The following ABCA3 variants were observed in gnomAD, a reference collection of about 807,000 sequenced individuals.
ABCA3 encodes ATP binding cassette subfamily A member 3.
Under a neutral mutation model 172.8 loss-of-function variants are expected in ABCA3, and 88 were observed. The observed-to-expected ratio is 0.51, with a 90% CI of 0.43 to 0.61. The LOEUF is 0.61. ABCA3 is among the 20% of genes least tolerant of loss of function. The probability of loss-of-function intolerance (pLI) is 0.00; values close to 1 mark genes in which losing one functional copy is unlikely to be tolerated. For missense variants in ABCA3, 2,164 were observed against 2,301.0 expected, an observed-to-expected ratio of 0.94 and a Z score of 1.22; for synonymous variants, 1,066 against 983.8, an observed-to-expected ratio of 1.08 and a Z score of -1.56.
chr16:2,310,407 A>AAAAC (rs569725428), intron 10 of ABCA3, among the ~76,000 whole-genome samples: 3 of 146,398 alleles, frequency 2.0e-5, no homozygotes, highest in Non-Finnish European at 4.5e-5. Flanking sequence ...ACTCTGTCTC[A>AAAAC]AAACAAACAA....
rs1184960162 is a variant in ABCA3, at chr16:2,317,331, T to C, written c.1063A>G (p.Ile355Val). The change falls in exon 10 of 33, where the codon ATC becomes GTC. Residue 355 changes from isoleucine (I) to valine (V), a missense_variant. This residue lies in a region of ABCA3 where 1,343 missense variants were observed against 1,369.6 expected (regional missense o/e 0.98). Transcript: ENST00000301732. ...LVLAFLLCFA[I>V]STISFSFMVS... is the part of the protein sequence containing the mutation. ...ATGAAGCTGAAGGAGATGGTAGAGA[T>C]GGCGAAGCACAGCAGGAAGGCGAGC... is the stretch of plus-strand genomic sequence containing the variant. 4 of 1,614,058 alleles carry C rather than the reference T, an allele frequency of 2.5e-6. No homozygotes were observed. The highest frequency in any genetic ancestry group is 2.2e-5 in the South Asian group (2 of 91,080).
intron 1 of ABCA3, among the ~76,000 whole-genome samples, chr16:2,337,382 T>C (rs1251470307): frequency 6.6e-6 from 1 of 151,792 alleles, no homozygotes; most frequent in Non-Finnish European, 1.5e-5. Context: ...GGCCTTTTTT[T>C]TTTTTTCATG....
chr16:2,317,254 C>T (rs948756791), intron 10 of ABCA3, 29 bp downstream of exon 10: 2 of 1,613,342 alleles, frequency 1.2e-6, no homozygotes, highest in Non-Finnish European at 1.7e-6. Context: ...CCCTTGGCAA[C>T]CCCACTCTGC....
Position 2,326,242 on chromosome 16 carries a change from G to A in ABCA3, c.87C>T (p.Leu29=), listed in dbSNP as rs746160931. 2.0e-5 allele frequency: 33 copies of A among 1,613,674 alleles called. No individual in the cohort carries two copies. Among genetic ancestry groups the A allele is most frequent in the Non-Finnish European group, 2.8e-5 (33 of 1,180,046 alleles). ...TCCCAGAAAACAGCAATGGCAGGAA[G>A]AGTTCCAGGACCGTCACCAGGACCT... ...KRKVLVTVLE[L]FLPLLFSGIL... is the part of the protein sequence containing the mutation. Residue 29 remains leucine (L), a synonymous_variant, in exon 5 of 33, where the codon CTC becomes CTT. Coordinates refer to ENST00000301732, the MANE Select transcript of ABCA3 (RefSeq NM_001089.3).
intron 1 of ABCA3, among the ~76,000 whole-genome samples, chr16:2,336,571 C>T (rs1056525059): frequency 2.0e-5 from 3 of 150,354 alleles, no homozygotes; most frequent in Admixed American, 1.3e-4. Context: ...GCTGGAATTA[C>T]AGGTGCCCGC....
chr16:2,340,547 G>T, intron 1 of ABCA3, 26 bp downstream of exon 1: 1 of 149,312 alleles, frequency 6.7e-6, no homozygotes, highest in South Asian at 2.0e-4. Flanking sequence ...ACGAGCGCGC[G>T]AGCGGCGGGT....
rs2093649540 is a variant in ABCA3 at position 2,278,188 on chromosome 16, C to A, written c.4718+100G>T. On this transcript the variant is annotated intron_variant, in intron 30 of 32. Transcript: ENST00000301732. This position sits in a 1 kb window ranked among gnomAD's most constrained non-coding sequence, Gnocchi z 4.4. ...ACCCATGCTCAGTGTGGCTCACGGG[C>A]AGACTCTGCACCAGATGCTGATGGG... The A allele has an allele frequency of 6.3e-7, 1 of 1,596,404 alleles. No homozygotes were observed. The highest frequency in any genetic ancestry group is 8.5e-7 in the Non-Finnish European group (1 of 1,174,646).
chr16:2,332,635 T>C (rs1354439090), intron 1 of ABCA3: 21 of 1,601,760 alleles, frequency 1.3e-5, no homozygotes, highest in Non-Finnish European at 1.8e-5. Flanking sequence ...CTCAATCTTC[T>C]CCAGGGGCCG....
chr16:2,316,591 T>C (rs2093716312), intron 10 of ABCA3, among the ~76,000 whole-genome samples: 1 of 124,894 alleles, frequency 8.0e-6, no homozygotes, highest in African/African-American at 3.1e-5. Context: ...GGCACAAGAA[T>C]CACTTGAATC....
Position 2,323,526 on chromosome 16 carries a change from GTTC to G in ABCA3, c.607_609del (p.Glu203del). 2.5e-6 allele frequency: 4 copies of G among 1,614,090 alleles called. No individual in the cohort carries two copies. The highest frequency in any genetic ancestry group is 3.4e-6 in the Non-Finnish European group (4 of 1,180,010). On this transcript the variant is annotated inframe_deletion, in exon 7 of 33. Transcript: ENST00000301732. ...GAACCCTAACCGAGCTTCTCACCAGGTTCTCCGCCATCAGGGGATGTAGGTTCC... is the reference window on the plus strand; with the variant it reads ...GAACCCTAACCGAGCTTCTCACCAGGTCCGCCATCAGGGGATGTAGGTTCC...
At chr16:2,308,814 A>C (rs2093702107) in intron 10 of ABCA3, among the ~76,000 whole-genome samples, 191 bp from the exon 11 acceptor site, 2 of 152,098 alleles carry the variant, frequency 1.3e-5, no homozygotes, top group East Asian at 3.9e-4. Flanking sequence ...CCCTTCTCCA[A>C]GTGAGTAGTG....
Position 2,304,186 on chromosome 16 carries a change from G to A in ABCA3, c.1286-36C>T, listed in dbSNP as rs749511430. ...CATCAGGAAAGTGGCCCGAAAGCCA[G>A]CAGGCTGGGGGGCCCAGGGACCCGA... On this transcript the variant is annotated intron_variant, in intron 11 of 32. Transcript: ENST00000301732. 6 of 1,613,484 alleles carry A rather than the reference G, an allele frequency of 3.7e-6. No individual in the cohort carries two copies. The East Asian group carries it at 1.3e-4, about 36-fold the overall frequency.
At chr16:2,317,239 T>A (rs753115229) in intron 10 of ABCA3, 44 bp downstream of exon 10, 1 of 1,612,162 alleles carries the variant, frequency 6.2e-7, no homozygotes. Context: ...CAGATGGCCC[T>A]TGGCCCCTTG....
intron 28 of ABCA3, among the ~76,000 whole-genome samples, chr16:2,280,126 C>T (rs2093652797): frequency 6.6e-6 from 1 of 152,272 alleles, no homozygotes; most frequent in South Asian, 2.1e-4. Context: ...CTCTCTCTCT[C>T]TCTTCCTTCT....
chr16:2,335,211 T>C (rs1435124573), intron 1 of ABCA3, among the ~76,000 whole-genome samples: 2 of 152,038 alleles, frequency 1.3e-5, no homozygotes, highest in Admixed American at 1.3e-4. Flanking sequence ...CCAAATGGGG[T>C]GGGCTAGACA....
At chr16:2,329,471 C>A (rs1216575760) in intron 2 of ABCA3, among the ~76,000 whole-genome samples, 177 bp downstream of exon 2, 1 of 152,186 alleles carries the variant, frequency 6.6e-6, no homozygotes, top group Admixed American at 6.6e-5. Context: ...CGTCACAGTT[C>A]AAAGAAGTCT....
At chr16:2,310,266 T>G (rs1181190592) in intron 10 of ABCA3, among the ~76,000 whole-genome samples, 1 of 151,724 alleles carries the variant, frequency 6.6e-6, no homozygotes, top group Non-Finnish European at 1.5e-5. Context: ...TAGCTGGGCA[T>G]GGGTGGTGGT....
chr16:2,292,730 A>G (rs920822799), intron 18 of ABCA3, among the ~76,000 whole-genome samples: 1 of 152,158 alleles, frequency 6.6e-6, no homozygotes, highest in African/African-American at 2.4e-5. Flanking sequence ...GACCAGCCTG[A>G]GCAACACGGT....
In ABCA3 at chr16:2,283,058, A is replaced by G. The variant is rs2093657418; in HGVS notation, c.4035+128T>C. 2.8e-6 allele frequency: 3 copies of G among 1,089,124 alleles called. No homozygotes were observed. Among genetic ancestry groups the G allele is most frequent in the Non-Finnish European group, 4.1e-6 (3 of 738,966 alleles). 67.5% of individuals were successfully genotyped at this position (1,089,124 alleles called of 1,614,324 possible). A position where few individuals can be genotyped will look rare whatever the true frequency, so the allele number is the denominator to read the frequency against. On this transcript the variant is annotated intron_variant, in intron 26 of 32. Transcript: ENST00000301732. The surrounding 1 kb of genome is among the most constrained non-coding windows in gnomAD (Gnocchi z 5.4). ...GTGCCGGCTGGTGCTGAGGCCGTAC[A>G]GTGGGAGACCATCTGGTGCAGGAGC...
Sources: gnomAD v4.1 joint callset for allele counts (sites outside exome capture counted in the v4.1 genomes callset) on GRCh38, gnomAD v4.1.1 for gene constraint, gnomAD v4.1.1 regional missense constraint, Gnocchi (gnomAD v3.1) non-coding constraint, MANE v1.5 for transcripts, NCBI Gene and HGNC (gene_info 2026-07-23, HGNC 2026-07-21) for gene names.